PCDHGA6: variants seen among roughly 807,000 people sequenced by gnomAD.
The protein encoded by PCDHGA6 is protocadherin gamma-A6.
In PCDHGA6, 41 loss-of-function variants were observed where a neutral mutation model predicts 60.6. That is an observed-to-expected ratio of 0.68 (90% CI 0.53 to 0.88). PCDHGA6 has a LOEUF of 0.88. Ranked by LOEUF, PCDHGA6 falls within the 40% of genes least tolerant of loss-of-function variation. PCDHGA6 has a pLI of 0.00. For missense variants in PCDHGA6, 1,312 were observed against 1,203.0 expected, an observed-to-expected ratio of 1.09 and a Z score of -1.34; for synonymous variants, 594 against 524.4, an observed-to-expected ratio of 1.13 and a Z score of -1.81.
chr5:141,478,396 G>T (rs150499152), intron 1 of PCDHGA6: 2 of 1,613,446 alleles, frequency 1.2e-6, no homozygotes, highest in African/African-American at 2.7e-5. Flanking sequence ...ACCATCAGGT[G>T]TATCTCACCA....
chr5:141,423,929 G>C, intron 1 of PCDHGA6: 1 of 1,236,074 alleles, frequency 8.1e-7, no homozygotes, highest in East Asian at 3.5e-5. Flanking sequence ...TGCTGGTTTG[G>C]TTTGAAGTAA....
intron 1 of PCDHGA6, among the ~76,000 whole-genome samples, chr5:141,402,461 C>T (rs892900332): frequency 6.6e-6 from 1 of 151,994 alleles, no homozygotes; most frequent in Non-Finnish European, 1.5e-5. Context: ...GTTTACATAT[C>T]TAGAAATAGA....
At chr5:141,389,860 ACC>A (rs2091950057) in intron 1 of PCDHGA6, 1 of 1,613,934 alleles carries the variant, frequency 6.2e-7, no homozygotes, top group Non-Finnish European at 8.5e-7. Context: ...GCCACGTTGC[ACC>A]TGGTCTTCGC....
intron 1 of PCDHGA6, chr5:141,403,090 C>T (rs2094352394): frequency 6.2e-7 from 1 of 1,614,068 alleles, no homozygotes; most frequent in Non-Finnish European, 8.5e-7. Context: ...ATATTGTGGG[C>T]AACATCTCCA....
chr5:141,374,023 A>C lies in PCDHGA6; in HGVS notation c.-61A>C. 1 of 1,412,854 alleles carries C rather than the reference A, an allele frequency of 7.1e-7. No homozygotes were observed. The highest frequency in any genetic ancestry group is 1.7e-5 in the South Asian group (1 of 57,906). The allele number at this position is 1,412,854 out of a possible 1,614,324, so 87.5% of individuals were successfully genotyped here. A position where few individuals can be genotyped will look rare whatever the true frequency, so the allele number is the denominator to read the frequency against. ...TTCACCGCTATTTCTGAGAAGAGCA[A>C]AAGTGATGCAGATCTGTTCTTCCTC... is the stretch of plus-strand genomic sequence containing the variant. On this transcript the variant is annotated 5_prime_UTR_variant, in exon 1 of 4. Transcript: ENST00000517434.
chr5:141,487,811 A>T lies in PCDHGA6; in HGVS notation c.2425-6996A>T, dbSNP rs1389081995. 2.1e-6 allele frequency: 3 copies of T among 1,414,662 alleles called. No homozygotes were observed. In the African/African-American group the frequency reaches 4.3e-5, roughly 20 times the overall value. 87.6% of individuals were successfully genotyped at this position (1,414,662 alleles called of 1,614,324 possible). A position where few individuals can be genotyped will look rare whatever the true frequency, so the allele number is the denominator to read the frequency against. ...TTAACCAGAGTTGTCACAGTTTAGCATTGGGGGCGGGTCATGCCTATATCT... is the reference window on the plus strand; with the variant it reads ...TTAACCAGAGTTGTCACAGTTTAGCTTTGGGGGCGGGTCATGCCTATATCT... On this transcript the variant is annotated intron_variant, in intron 1 of 3. Transcript: ENST00000517434. The surrounding 1 kb of genome is among the most constrained non-coding windows in gnomAD (Gnocchi z 5.0).
intron 1 of PCDHGA6, chr5:141,423,051 CCTG>C (rs771403541): frequency 2.5e-6 from 4 of 1,614,208 alleles, no homozygotes; most frequent in Admixed American, 1.7e-5. Flanking sequence ...TGTCCTATCG[CCTG>C]CTTAAGGCCA....
Position 141,431,818 on chromosome 5 carries a change from C to T in PCDHGA6, c.2424+55311C>T, listed in dbSNP as rs201311339. On this transcript the variant is annotated intron_variant, in intron 1 of 3. Coordinates refer to ENST00000517434, the MANE Select transcript of PCDHGA6 (RefSeq NM_018919.3). This position sits in a 1 kb window ranked among gnomAD's most constrained non-coding sequence, Gnocchi z 4.8. ...CAGAAGTGGTCCTCACCTCTCTCGCCAGCTCGGTTCCCGAAAACTCTCCCA... is the reference window on the plus strand; with the variant it reads ...CAGAAGTGGTCCTCACCTCTCTCGCTAGCTCGGTTCCCGAAAACTCTCCCA... 130 of 1,614,122 alleles carry T rather than the reference C, an allele frequency of 8.1e-5. No homozygotes were observed. Among genetic ancestry groups the T allele is most frequent in the Non-Finnish European group, 1.0e-4 (121 of 1,180,040 alleles).
At position 141,431,578 on chromosome 5, in the gene PCDHGA6, C is replaced by T. The variant is rs756332070; in HGVS notation, c.2424+55071C>T. 6.2e-7 allele frequency: 1 copy of T among 1,614,164 alleles called. No homozygotes were observed. On this transcript the variant is annotated intron_variant, in intron 1 of 3. Coordinates refer to ENST00000517434, the MANE Select transcript of PCDHGA6 (RefSeq NM_018919.3). This position sits in a 1 kb window ranked among gnomAD's most constrained non-coding sequence, Gnocchi z 4.8. ...ACGCTACCGACCCTGACGAAGGAGT[C>T]AATGCGGAAGTGAGGTATTCCTTCC...
chr5:141,492,579 G>T (rs547852117), intron 1 of PCDHGA6, among the ~76,000 whole-genome samples: 2 of 152,356 alleles, frequency 1.3e-5, no homozygotes, highest in East Asian at 1.9e-4. Context: ...GAGGCGCGGG[G>T]CCAGGAGCGC....
chr5:141,409,748 G>C, intron 1 of PCDHGA6: 2 of 1,613,018 alleles, frequency 1.2e-6, no homozygotes, highest in South Asian at 2.2e-5. Context: ...GGTGGTGTTC[G>C]CGCAGCGCGC....
intron 1 of PCDHGA6, among the ~76,000 whole-genome samples, chr5:141,439,190 C>CAAA (rs200519543): frequency 1.8e-5 from 2 of 111,760 alleles, no homozygotes; most frequent in African/African-American, 6.3e-5. Context: ...GAGACTCTGA[C>CAAA]AAAAAAAAAA....
chr5:141,389,541 C>A, intron 1 of PCDHGA6: 2 of 1,613,242 alleles, frequency 1.2e-6, no homozygotes, highest in Non-Finnish European at 1.7e-6. Context: ...AGTGGACGAC[C>A]GCAACGACAA....
Position 141,485,996 on chromosome 5 carries a change from G to A in PCDHGA6, c.2425-8811G>A, listed in dbSNP as rs114142606. On this transcript the variant is annotated intron_variant, in intron 1 of 3. Coordinates refer to ENST00000517434, the MANE Select transcript of PCDHGA6 (RefSeq NM_018919.3). The surrounding 1 kb of genome is among the most constrained non-coding windows in gnomAD (Gnocchi z 5.7). ...CTCAGACCCGGACCTGGGTCCCAGT[G>A]GTAACGTCACCTTTTATTTCAGTGG... The A allele has an allele frequency of 1.6e-4, 256 of 1,614,178 alleles. 1 individual carries two copies. Among genetic ancestry groups the A allele is most frequent in the Middle Eastern group, 1.5e-3 (9 of 6,062 alleles).
chr5:141,404,405 TC>T, intron 1 of PCDHGA6: 1 of 1,613,914 alleles, frequency 6.2e-7, no homozygotes, highest in South Asian at 1.1e-5. Flanking sequence ...CAATGAGAAT[TC>T]TAGAGTTATT....
intron 1 of PCDHGA6, chr5:141,400,515 T>A: frequency 6.2e-7 from 1 of 1,613,988 alleles, no homozygotes. Flanking sequence ...CGACTTCCCA[T>A]CCTGAGTTGG....
rs765819865 is a variant in PCDHGA6, at chr5:141,394,837, TG to T, written c.2424+18333del. ...AGCATCCCCGAAGTCCTGACCGAGT[TG>T]GGCAGTCTGAAGCCTTCGGTCGACC... On this transcript the variant is annotated intron_variant, in intron 1 of 3. Transcript: ENST00000517434. The T allele has an allele frequency of 1.9e-6, 3 of 1,613,824 alleles. No homozygotes were observed. The South Asian group carries it at 3.3e-5, about 18-fold the overall frequency.
At chr5:141,473,402 T>C (rs1019157713) in intron 1 of PCDHGA6, among the ~76,000 whole-genome samples, 7 of 152,224 alleles carry the variant, frequency 4.6e-5, no homozygotes, top group Non-Finnish European at 7.3e-5. Flanking sequence ...CTTCTTTTTT[T>C]CTTCTTCAGT....
intron 1 of PCDHGA6, among the ~76,000 whole-genome samples, chr5:141,433,837 CAA>C (rs56191208): frequency 1.4e-4 from 16 of 111,664 alleles, no homozygotes; most frequent in Non-Finnish European, 1.2e-4. Context: ...AACTCTATCT[CAA>C]AAAAAAAAAA....
Sources: gnomAD v4.1 joint callset for allele counts (sites outside exome capture counted in the v4.1 genomes callset) on GRCh38, gnomAD v4.1.1 for gene constraint, Gnocchi (gnomAD v3.1) non-coding constraint, MANE v1.5 for transcripts, NCBI Gene and HGNC (gene_info 2026-07-23, HGNC 2026-07-21) for gene names.